SH3D19: variants seen among roughly 807,000 people sequenced by gnomAD.
The protein encoded by SH3D19 is SH3 domain-containing protein 19.
A neutral mutation model predicts 112.1 loss-of-function variants in SH3D19; 58 were observed. The observed-to-expected ratio is 0.52, with a 90% CI of 0.42 to 0.64. The LOEUF (loss-of-function observed/expected upper bound fraction) is 0.64. Ranked by LOEUF, SH3D19 falls within the 30% of genes least tolerant of loss-of-function variation. The probability of loss-of-function intolerance (pLI) is 0.00; values close to 1 mark genes in which losing one functional copy is unlikely to be tolerated. For missense variants in SH3D19, 1,090 were observed against 1,263.4 expected, an observed-to-expected ratio of 0.86 and a Z score of 2.08; for synonymous variants, 391 against 448.5, an observed-to-expected ratio of 0.87 and a Z score of 1.62.
In SH3D19 at chr4:151,279,469, A is replaced by G. The variant is rs938653169; in HGVS notation, c.112+45772T>C. 1.4e-4 allele frequency among the ~76,000 whole-genome samples: 21 copies of G among 152,356 alleles called. 1 individual carries two copies. Among genetic ancestry groups the G allele is most frequent in the Admixed American group, 9.8e-4 (15 of 15,310 alleles). Reference sequence around the variant, plus strand: ...GCATTTGAAAATTTTGGCCTTTAACACCAATCTGGAAAATTTAAATATAAA... The same window carrying G: ...GCATTTGAAAATTTTGGCCTTTAACGCCAATCTGGAAAATTTAAATATAAA... On this transcript the variant is annotated intron_variant, in intron 1 of 19. Transcript: ENST00000604030.
chr4:151,199,343 A>C (rs570635687), intron 2 of SH3D19, among the ~76,000 whole-genome samples: 1 of 152,322 alleles, frequency 6.6e-6, no homozygotes, highest in African/African-American at 2.4e-5. Flanking sequence ...AGATTCACAG[A>C]GAGGAAATGT....
chr4:151,153,264 T>C (rs749014106), intron 9 of SH3D19, among the ~76,000 whole-genome samples: 5 of 152,136 alleles, frequency 3.3e-5, no homozygotes, highest in Non-Finnish European at 7.4e-5. Context: ...TTTTATTTTT[T>C]AGAGACAGGG....
intron 4 of SH3D19, among the ~76,000 whole-genome samples, chr4:151,177,404 G>A (rs72723741): frequency 2.7e-3 from 406 of 151,768 alleles, no homozygotes; most frequent in Non-Finnish European, 4.0e-3. Context: ...CAGTGGTGAC[G>A]CGATCTCAAT....
At chr4:151,218,734 C>T (rs550857540) in intron 2 of SH3D19, among the ~76,000 whole-genome samples, 3 of 152,222 alleles carry the variant, frequency 2.0e-5, no homozygotes, top group South Asian at 2.1e-4. Context: ...TTATGACTTC[C>T]GCACATCTTT....
intron 1 of SH3D19, among the ~76,000 whole-genome samples, chr4:151,273,120 T>A (rs1773337845): frequency 6.6e-6 from 1 of 152,192 alleles, no homozygotes; most frequent in African/African-American, 2.4e-5. Flanking sequence ...AAAGTACTGG[T>A]GCCTTAGTTA....
Position 151,128,412 on chromosome 4 carries a change from T to C in SH3D19, c.2743-56A>G, listed in dbSNP as rs1001250911. On this transcript the variant is annotated intron_variant, in intron 17 of 19. Coordinates refer to ENST00000604030, the MANE Select transcript of SH3D19 (RefSeq NM_001378122.1). ...TGTAAGATTTTATTTGAAATTGAGT[T>C]CTACAAAGCTTAAAAAGTAGTGGGG... is the stretch of plus-strand genomic sequence containing the variant. 2.1e-6 allele frequency: 3 copies of C among 1,444,226 alleles called. No homozygotes were observed. In the African/African-American group the frequency reaches 4.3e-5, roughly 21 times the overall value. 89.5% of individuals were successfully genotyped at this position (1,444,226 alleles called of 1,614,324 possible).
At chr4:151,285,971 AT>A (rs575607365) in intron 1 of SH3D19, among the ~76,000 whole-genome samples, 1 of 150,362 alleles carries the variant, frequency 6.7e-6, no homozygotes, top group Non-Finnish European at 1.5e-5. Flanking sequence ...AAGGTAGGAG[AT>A]TTTTTTTCAG....
intron 1 of SH3D19, among the ~76,000 whole-genome samples, chr4:151,239,398 C>T (rs1770381363): frequency 2.0e-5 from 3 of 151,952 alleles, no homozygotes; most frequent in Non-Finnish European, 4.4e-5. Context: ...GCTAAAAAGC[C>T]TCTGTGTTGT....
Position 151,229,132 on chromosome 4 carries a change from A to G in SH3D19, c.113-3046T>C, listed in dbSNP as rs554413518. Among the ~76,000 whole-genome samples, 316 of 149,140 alleles carry G rather than the reference A, an allele frequency of 2.1e-3. 2 individuals are homozygous for G. The highest frequency in any genetic ancestry group is 7.6e-3 in the African/African-American group (308 of 40,416). On this transcript the variant is annotated intron_variant, in intron 1 of 19. Coordinates refer to ENST00000604030, the MANE Select transcript of SH3D19 (RefSeq NM_001378122.1). ...AGCGATCCTCCTGCCTTGGCCTCCC[A>G]AAGTGTTGGGATTGCAGGCATGAGC...
At chr4:151,150,532 G>C (rs548860421) in intron 9 of SH3D19, among the ~76,000 whole-genome samples, 1 of 151,774 alleles carries the variant, frequency 6.6e-6, no homozygotes. Flanking sequence ...AGGTGGGAAC[G>C]TAAAAGAAAC....
At chr4:151,159,174 G>A (rs1334413245) in intron 9 of SH3D19, 66 bp downstream of exon 9, 1 of 871,778 alleles carries the variant, frequency 1.1e-6, no homozygotes, top group Non-Finnish European at 1.7e-6. Flanking sequence ...TTAGATATTA[G>A]CTGACTATTC....
At chr4:151,216,588 G>T (rs898857397) in intron 2 of SH3D19, among the ~76,000 whole-genome samples, 1 of 152,188 alleles carries the variant, frequency 6.6e-6, no homozygotes, top group East Asian at 1.9e-4. Context: ...TTAAGGGCCA[G>T]GAGTTCCATG....
At chr4:151,228,568 T>C (rs1165108809) in intron 1 of SH3D19, among the ~76,000 whole-genome samples, 1 of 152,186 alleles carries the variant, frequency 6.6e-6, no homozygotes, top group Non-Finnish European at 1.5e-5. Context: ...GTCAAGATTA[T>C]TGTGCAATTG....
chr4:151,217,997 A>G (rs1767404479), intron 2 of SH3D19, among the ~76,000 whole-genome samples: 1 of 152,158 alleles, frequency 6.6e-6, no homozygotes, highest in Non-Finnish European at 1.5e-5. Flanking sequence ...TGTTCTAAAT[A>G]TTATTTAAAT....
At chr4:151,287,557 T>A (rs903455458) in intron 1 of SH3D19, among the ~76,000 whole-genome samples, 2 of 152,134 alleles carry the variant, frequency 1.3e-5, no homozygotes, top group African/African-American at 4.8e-5. Context: ...GAAGTCAAGT[T>A]GGCTGACCTC....
At chr4:151,299,302 T>C (rs1367159024) in intron 1 of SH3D19, among the ~76,000 whole-genome samples, 1 of 152,204 alleles carries the variant, frequency 6.6e-6, no homozygotes, top group Non-Finnish European at 1.5e-5. Flanking sequence ...AAATCATGGC[T>C]GGGCGCAGTG....
intron 1 of SH3D19, among the ~76,000 whole-genome samples, chr4:151,319,379 A>G (rs1730321084): frequency 6.6e-6 from 1 of 152,278 alleles, no homozygotes; most frequent in Non-Finnish European, 1.5e-5. Flanking sequence ...TGATGAGTAC[A>G]GGATTTTTAA....
At chr4:151,254,923 G>A (rs1341397984) in intron 1 of SH3D19, among the ~76,000 whole-genome samples, 5 of 147,596 alleles carry the variant, frequency 3.4e-5, no homozygotes, top group African/African-American at 1.0e-4. Context: ...CTCACCTCCC[G>A]GGAGGGGCGG....
intron 2 of SH3D19, among the ~76,000 whole-genome samples, chr4:151,220,204 T>C (rs1580235126): frequency 6.6e-6 from 1 of 152,360 alleles, no homozygotes; most frequent in East Asian, 1.9e-4. Context: ...ATCTTCAAAG[T>C]TGCCTTGGTT....
Sources: gnomAD v4.1 joint callset for allele counts (sites outside exome capture counted in the v4.1 genomes callset) on GRCh38, gnomAD v4.1.1 for gene constraint, MANE v1.5 for transcripts, NCBI Gene and HGNC (gene_info 2026-07-23, HGNC 2026-07-21) for gene names.